The following SLC2A13 variants were observed in gnomAD, a reference collection of about 807,000 sequenced individuals.
SLC2A13 encodes proton myo-inositol cotransporter.
A neutral mutation model predicts 64.4 loss-of-function variants in SLC2A13; 32 were observed. The observed-to-expected ratio is 0.50, with a 90% CI of 0.37 to 0.67. The LOEUF (loss-of-function observed/expected upper bound fraction) is 0.67, where lower values mean the gene tolerates loss of function less well. SLC2A13 is among the 30% of genes least tolerant of loss of function. SLC2A13 has a pLI of 0.00. For synonymous variants in SLC2A13, 338 were observed against 327.1 expected (o/e 1.03, Z -0.36); for missense variants, 743 against 829.2 (o/e 0.90, Z 1.28).
At chr12:39,766,311 C>T (rs1243303353) in intron 7 of SLC2A13, among the ~76,000 whole-genome samples, 1 of 152,066 alleles carries the variant, frequency 6.6e-6, no homozygotes, top group East Asian at 1.9e-4. Flanking sequence ...TTTGGTTTCC[C>T]ACTACATATA....
intron 7 of SLC2A13, among the ~76,000 whole-genome samples, chr12:39,787,313 A>G (rs1365587841): frequency 6.6e-6 from 1 of 152,240 alleles, no homozygotes. Flanking sequence ...TGAAATTAGT[A>G]TTAAAATAAC....
intron 7 of SLC2A13, among the ~76,000 whole-genome samples, chr12:39,807,988 T>G (rs1054716662): frequency 6.6e-6 from 1 of 152,150 alleles, no homozygotes; most frequent in Non-Finnish European, 1.5e-5. Flanking sequence ...TATTCATGTA[T>G]AATATACAAA....
intron 6 of SLC2A13, among the ~76,000 whole-genome samples, chr12:39,839,707 T>C (rs1409749356): frequency 3.3e-5 from 5 of 152,026 alleles, no homozygotes; most frequent in Non-Finnish European, 7.4e-5. Flanking sequence ...CTTTCATTGC[T>C]TTGCTGGGAA....
At chr12:40,087,682 A>G (rs1007300145) in intron 1 of SLC2A13, among the ~76,000 whole-genome samples, 9 of 152,172 alleles carry the variant, frequency 5.9e-5, no homozygotes, top group African/African-American at 1.4e-4. Context: ...CTCTTACCTC[A>G]TAAGAGACCA....
intron 3 of SLC2A13, among the ~76,000 whole-genome samples, chr12:39,999,604 T>A (rs1330371196): frequency 6.6e-6 from 1 of 152,134 alleles, no homozygotes; most frequent in Non-Finnish European, 1.5e-5. Context: ...CAAACCCTGT[T>A]TTCTGTTGTT....
intron 3 of SLC2A13, among the ~76,000 whole-genome samples, chr12:39,993,495 C>T (rs923872195): frequency 4.6e-5 from 7 of 152,178 alleles, no homozygotes; most frequent in Admixed American, 3.3e-4. Flanking sequence ...TGCTAGGAAA[C>T]GTGAAAGACA....
chr12:39,888,514 T>C (rs1171073458), intron 4 of SLC2A13, among the ~76,000 whole-genome samples: 2 of 152,206 alleles, frequency 1.3e-5, no homozygotes, highest in Non-Finnish European at 2.9e-5. Flanking sequence ...CTTGAGCCAC[T>C]GTGTCCAGCC....
chr12:39,950,107 A>C (rs1184969543), intron 4 of SLC2A13: 1 of 152,234 alleles, frequency 6.6e-6, no homozygotes, highest in Non-Finnish European at 1.5e-5. Context: ...AAGTGTGTGA[A>C]TGTATAGAAA....
intron 7 of SLC2A13, among the ~76,000 whole-genome samples, chr12:39,772,284 G>C (rs1263169070): frequency 6.6e-6 from 1 of 152,044 alleles, no homozygotes; most frequent in African/African-American, 2.4e-5. Flanking sequence ...TAACCTCTCT[G>C]TGTCTCAATT....
At chr12:39,877,577 T>C (rs556026208) in intron 4 of SLC2A13, among the ~76,000 whole-genome samples, 1 of 152,178 alleles carries the variant, frequency 6.6e-6, no homozygotes, top group Non-Finnish European at 1.5e-5. Flanking sequence ...TATATTCTCT[T>C]TCATAGGGCA....
At chr12:39,929,338 G>A (rs1351805379) in intron 4 of SLC2A13, among the ~76,000 whole-genome samples, 2 of 151,966 alleles carry the variant, frequency 1.3e-5, no homozygotes, top group African/African-American at 2.4e-5. Flanking sequence ...GGATCACGAC[G>A]TCAGGAGTTC....
chr12:39,974,433 G>A (rs1946726935), intron 3 of SLC2A13, among the ~76,000 whole-genome samples: 2 of 152,170 alleles, frequency 1.3e-5, no homozygotes, highest in Admixed American at 1.3e-4. Context: ...TATAAAACAG[G>A]ATGATGACGC....
chr12:39,899,316 T>C (rs926631949), intron 4 of SLC2A13, among the ~76,000 whole-genome samples: 2 of 152,224 alleles, frequency 1.3e-5, no homozygotes, highest in Admixed American at 6.5e-5. Flanking sequence ...TTCTGTGGGA[T>C]TGGTGGTGAT....
At chr12:39,776,836 C>A (rs532393178) in intron 7 of SLC2A13, among the ~76,000 whole-genome samples, 2 of 152,214 alleles carry the variant, frequency 1.3e-5, no homozygotes, top group East Asian at 3.9e-4. Context: ...AAAGTTATAA[C>A]AAAGTGATGG....
At chr12:40,087,933 T>C (rs1938638979) in intron 1 of SLC2A13, among the ~76,000 whole-genome samples, 1 of 152,240 alleles carries the variant, frequency 6.6e-6, no homozygotes, top group Non-Finnish European at 1.5e-5. Context: ...ATACTGATTG[T>C]AAGTATAAAT....
At chr12:39,781,974 T>A (rs12826625) in intron 7 of SLC2A13, among the ~76,000 whole-genome samples, 1 of 152,180 alleles carries the variant, frequency 6.6e-6, no homozygotes, top group Admixed American at 6.5e-5. Context: ...GTTATGGTTG[T>A]CTTGTGAATA....
intron 3 of SLC2A13, among the ~76,000 whole-genome samples, chr12:39,970,809 A>C (rs1233504590): frequency 6.6e-6 from 1 of 152,194 alleles, no homozygotes; most frequent in Non-Finnish European, 1.5e-5. Flanking sequence ...AATACTTTTC[A>C]CCATTCACAT....
At chr12:40,048,560 T>C (rs1948203922) in intron 1 of SLC2A13, among the ~76,000 whole-genome samples, 1 of 152,168 alleles carries the variant, frequency 6.6e-6, no homozygotes, top group Non-Finnish European at 1.5e-5. Context: ...CTGAAATATT[T>C]TTAGTCTATA....
chr12:39,986,119 T>C lies in SLC2A13; in HGVS notation c.926-34754A>G, dbSNP rs567859693. Among the ~76,000 whole-genome samples the C allele has an allele frequency of 8.5e-5, 13 of 152,112 alleles. No homozygotes were observed. In the South Asian group the frequency reaches 2.3e-3, roughly 27 times the overall value. ...AGGCCTTGGTTCCAATTGTGAGGGT[T>C]CCACCATGACCTAATCACCTCCCAA... On this transcript the variant is annotated intron_variant, in intron 3 of 9. Coordinates refer to ENST00000280871, the MANE Select transcript of SLC2A13 (RefSeq NM_052885.4).
Sources: gnomAD v4.1 joint callset for allele counts (sites outside exome capture counted in the v4.1 genomes callset) on GRCh38, gnomAD v4.1.1 for gene constraint, MANE v1.5 for transcripts, NCBI Gene and HGNC (gene_info 2026-07-23, HGNC 2026-07-21) for gene names.